FAM90A1: variants seen among roughly 807,000 people sequenced by gnomAD.
The protein encoded by FAM90A1 is protein FAM90A1.
In FAM90A1, 10 loss-of-function variants were observed where a neutral mutation model predicts 14.8. That is an observed-to-expected ratio of 0.67 (90% confidence interval 0.42 to 1.14). FAM90A1 has a LOEUF of 1.14. Among genes scored for constraint, FAM90A1 ranks in the 50% most tolerant of loss-of-function variants. The probability of loss-of-function intolerance (pLI) is 0.00; values close to 1 mark genes in which losing one functional copy is unlikely to be tolerated. For missense variants in FAM90A1, 567 were observed against 602.8 expected (o/e 0.94, Z 0.62); for synonymous variants, 236 against 248.4 (o/e 0.95, Z 0.47).
intron 1 of FAM90A1, among the ~76,000 whole-genome samples, chr12:8,226,800 G>A (rs1306184538): frequency 1.8e-5 from 2 of 113,658 alleles, no homozygotes; most frequent in African/African-American, 7.4e-5. Context: ...CTTCATTGAT[G>A]TCTTTTTTTT....
At chr12:8,225,295 A>G (rs1157941876) in intron 3 of FAM90A1, among the ~76,000 whole-genome samples, 5 of 152,236 alleles carry the variant, frequency 3.3e-5, no homozygotes, top group Non-Finnish European at 5.9e-5. Flanking sequence ...TCTGTTTGAA[A>G]TCTGGGATAA....
At position 8,224,119 on chromosome 12, in the gene FAM90A1, C is replaced by T. The variant is rs1948889261; in HGVS notation, c.220G>A (p.Gly74Arg). Residue 74 changes from glycine to arginine, a missense_variant, in exon 5 of 7, where the codon GGG (glycine) becomes AGG (arginine). Physicochemically the swap from Gly to Arg is moderately radical, Grantham distance 125 (BLOSUM62 -2). Coordinates refer to ENST00000538603, the MANE Select transcript of FAM90A1 (RefSeq NM_018088.3). ...AGGTTTTCCTTCCCTTCCTTTTCCCCAAAGTTCGGTGGAACCAGGGCTGCC... is the reference window on the plus strand; with the variant it reads ...AGGTTTTCCTTCCCTTCCTTTTCCCTAAAGTTCGGTGGAACCAGGGCTGCC... ...WKAALVPPNFGEKEGKENLKP... is the reference protein window; with the variant it reads ...WKAALVPPNFREKEGKENLKP... The T allele has an allele frequency of 6.2e-7, 1 of 1,611,940 alleles. No homozygotes were observed. Among genetic ancestry groups the T allele is most frequent in the African/African-American group, 1.3e-5 (1 of 74,856 alleles).
At chr12:8,226,086 C>G (rs1339217604) in intron 2 of FAM90A1, 94 bp from the exon 3 acceptor site, 1 of 152,132 alleles carries the variant, frequency 6.6e-6, no homozygotes, top group Admixed American at 6.5e-5. Flanking sequence ...TCTATCTGCA[C>G]AGCCCACTCT....
chr12:8,225,574 T>C (rs1478282821), intron 3 of FAM90A1, among the ~76,000 whole-genome samples: 1 of 152,206 alleles, frequency 6.6e-6, no homozygotes, highest in African/African-American at 2.4e-5. Context: ...AACCACCCTT[T>C]TTTCCAAAGT....
rs190784989 is a variant in FAM90A1, at chr12:8,224,911, C to T, written c.-56-23G>A. On this transcript the variant is annotated intron_variant, in intron 3 of 6. Coordinates refer to ENST00000538603, the MANE Select transcript of FAM90A1 (RefSeq NM_018088.3). ...CACCTGAAACACACACAAACACACA[C>T]AAGTCGATGGTTAAGCACATTGGAT... is the stretch of plus-strand genomic sequence containing the variant. 4.0e-4 allele frequency: 614 copies of T among 1,552,468 alleles called. 4 individuals carry two copies. The East Asian group carries it at 0.013, about 33-fold the overall frequency.
rs1435113300 is a variant in FAM90A1 at position 8,227,462 on chromosome 12, T to C, written c.-421+18A>G. ...TGGGTCCACCCAGTGGGCGGTCGGGTGCCAGGCCAGTGCTTACCCCGCCAT... is the reference window on the plus strand; with the variant it reads ...TGGGTCCACCCAGTGGGCGGTCGGGCGCCAGGCCAGTGCTTACCCCGCCAT... On this transcript the variant is annotated intron_variant, in intron 1 of 6. Coordinates refer to ENST00000538603, the MANE Select transcript of FAM90A1 (RefSeq NM_018088.3). The C allele has an allele frequency of 1.7e-6, 1 of 577,910 alleles. No individual in the cohort carries two copies. The allele number at this position is 577,910 out of a possible 1,614,324, so 35.8% of individuals were successfully genotyped here.
chr12:8,222,321 T>C lies in FAM90A1; in HGVS notation c.896A>G (p.Gln299Arg), dbSNP rs765261059. 8.1e-6 allele frequency: 13 copies of C among 1,611,402 alleles called. No homozygotes were observed. Among genetic ancestry groups the C allele is most frequent in the Admixed American group, 1.7e-5 (1 of 60,006 alleles). ...TTTCTTGGGGAAGTTCAGGCAAGCC[T>C]GAATCGGAGCCGGGGCAGATCTCTT... ...GAKRSAPAPI[Q>R]ACLNFPKKPR... The change falls in exon 7 of 7, where the codon CAG becomes CGG. Residue 299 changes from glutamine to arginine, a missense_variant. Transcript: ENST00000538603.
rs117659724 is a variant in FAM90A1, at chr12:8,221,544, T to C, written c.*278A>G. The C allele has an allele frequency of 0.046, 24,338 of 525,656 alleles. 562 individuals carry two copies. Among genetic ancestry groups the C allele is most frequent in the African/African-American group, 0.1 (5,318 of 51,488 alleles). 32.6% of individuals were successfully genotyped at this position (525,656 alleles called of 1,614,324 possible). The stretch of plus-strand genomic sequence containing the variant: ...GCGGAAGTCTGACTCCTGCGCGTCA[T>C]GCAGTTTCTGAGGCAACGAATCACT... On this transcript the variant is annotated 3_prime_UTR_variant, in exon 7 of 7. Coordinates refer to ENST00000538603, the MANE Select transcript of FAM90A1 (RefSeq NM_018088.3).
In FAM90A1 at chr12:8,222,350, T is replaced by G; in HGVS notation, c.867A>C (p.Gly289=). 1.2e-6 allele frequency: 2 copies of G among 1,611,710 alleles called. No individual in the cohort carries two copies. Among genetic ancestry groups the G allele is most frequent in the Non-Finnish European group, 1.7e-6 (2 of 1,179,902 alleles). Residue 289 remains glycine (G), a synonymous_variant, in exon 7 of 7, where the codon GGA becomes GGC. Transcript: ENST00000538603. ...GLGSNLSFGP[G]AKRSAPAPIQ... is the part of the protein sequence containing the mutation. ...TCGGAGCCGGGGCAGATCTCTTGGC[T>G]CCTGGCCCGAAGCTGAGATTGGAGC... is the stretch of plus-strand genomic sequence containing the variant.
intron 3 of FAM90A1, 120 bp from the exon 4 acceptor site, chr12:8,225,008 C>T (rs1390648301): frequency 6.6e-5 from 46 of 694,002 alleles, no homozygotes; most frequent in African/African-American, 4.7e-4. Flanking sequence ...CACCACCAGT[C>T]GGTCAAATCT....
rs1207957403 is a variant in FAM90A1 at position 8,227,550 on chromosome 12, C to G, written c.-491G>C. 2.7e-6 allele frequency: 3 copies of G among 1,096,394 alleles called. No individual in the cohort carries two copies. The highest frequency in any genetic ancestry group is 3.8e-6 in the Non-Finnish European group (3 of 780,372). The allele number at this position is 1,096,394 out of a possible 1,614,324, so 67.9% of individuals were successfully genotyped here. On this transcript the variant is annotated 5_prime_UTR_variant, in exon 1 of 7. Transcript: ENST00000538603. Reference sequence around the variant, plus strand: ...GCTATGCGTCAGGGGTCAGGGTGCACACATCCCTGCAGGTCTCGGGGCTCC... The same window carrying G: ...GCTATGCGTCAGGGGTCAGGGTGCAGACATCCCTGCAGGTCTCGGGGCTCC...
At position 8,222,216 on chromosome 12, in the gene FAM90A1, G is replaced by T. The variant is rs17855656; in HGVS notation, c.1001C>A (p.Pro334Gln). Residue 334 changes from proline (P) to glutamine (Q), a missense_variant, in exon 7 of 7, where the codon CCG becomes CAG. Physicochemically the swap from Pro to Gln is moderately conservative, Grantham distance 76. Coordinates refer to ENST00000538603, the MANE Select transcript of FAM90A1 (RefSeq NM_018088.3). ...ELGAPENLQP[P>Q]PAATELGPRT... ...TGGTCCAAGTTCGGTTGCGGCTGGC[G>T]GAGGTTGGAGATTCTCCGGGGCCCC... 6.2e-7 allele frequency: 1 copy of T among 1,610,562 alleles called. No homozygotes were observed. The highest frequency in any genetic ancestry group is 1.7e-5 in the Admixed American group (1 of 59,820).
At chr12:8,227,362 G>A (rs1409169532) in intron 1 of FAM90A1, 118 bp downstream of exon 1, 1 of 318,484 alleles carries the variant, frequency 3.1e-6, no homozygotes, top group Non-Finnish European at 5.9e-6. Context: ...CTTGGAACCT[G>A]CGCCATGTGA....
chr12:8,225,516 G>A (rs997936382), intron 3 of FAM90A1, among the ~76,000 whole-genome samples: 2 of 152,126 alleles, frequency 1.3e-5, no homozygotes, highest in African/African-American at 2.4e-5. Flanking sequence ...CTAAACGAAC[G>A]GTGAACAAGT....
chr12:8,225,564 A>ATGTCTT (rs1300157352), intron 3 of FAM90A1, among the ~76,000 whole-genome samples: 1 of 151,772 alleles, frequency 6.6e-6, no homozygotes, highest in East Asian at 1.9e-4. Context: ...CTGAAGGGCA[A>ATGTCTT]ACCACCCTTT....
chr12:8,225,515 C>G (rs900996944), intron 3 of FAM90A1, among the ~76,000 whole-genome samples: 2 of 152,204 alleles, frequency 1.3e-5, no homozygotes, highest in African/African-American at 4.8e-5. Context: ...TCTAAACGAA[C>G]GGTGAACAAG....
intron 1 of FAM90A1, among the ~76,000 whole-genome samples, 173 bp downstream of exon 1, chr12:8,227,307 G>A (rs1948964103): frequency 6.6e-6 from 1 of 152,308 alleles, no homozygotes; most frequent in African/African-American, 2.4e-5. Flanking sequence ...GAGTGGTTTG[G>A]AACCTGCGCC....
chr12:8,221,529 G>C lies in FAM90A1; in HGVS notation c.*293C>G, dbSNP rs1780684116. 2 of 501,790 alleles carry C rather than the reference G, an allele frequency of 4.0e-6. No individual in the cohort carries two copies. Among genetic ancestry groups the C allele is most frequent in the South Asian group, 4.2e-5 (2 of 47,922 alleles). 31.1% of individuals were successfully genotyped at this position (501,790 alleles called of 1,614,324 possible). On this transcript the variant is annotated 3_prime_UTR_variant, in exon 7 of 7. Transcript: ENST00000538603. ...CCTATTGACGTCCCAGCGGAAGTCT[G>C]ACTCCTGCGCGTCATGCAGTTTCTG...
chr12:8,225,785 C>T (rs749224351), intron 3 of FAM90A1, 51 bp downstream of exon 3: 1 of 151,858 alleles, frequency 6.6e-6, no homozygotes, highest in African/African-American at 2.4e-5. Context: ...CTCTTTTCCC[C>T]CCCACCCCTC....
Sources: allele counts gnomAD v4.1 joint callset (sites outside exome capture counted in the v4.1 genomes callset), GRCh38; gene constraint gnomAD v4.1.1; transcripts MANE v1.5; gene names NCBI Gene and HGNC (gene_info 2026-07-23, HGNC 2026-07-21).